PLA2R1: variants seen among roughly 807,000 people sequenced by gnomAD.
The protein encoded by PLA2R1 is secretory phospholipase A2 receptor.
A neutral mutation model predicts 195.9 loss-of-function variants in PLA2R1; 158 were observed. The ratio of observed to expected loss-of-function variants is 0.81; its 90% CI spans 0.71 to 0.92. The LOEUF is 0.92. PLA2R1 is among the 40% of genes least tolerant of loss of function. The pLI is 0.00. For synonymous variants in PLA2R1, 586 were observed against 598.2 expected (o/e 0.98, Z 0.30); for missense variants, 1,626 against 1,764.6 (o/e 0.92, Z 1.41).
chr2:159,942,553 A>G (rs1387719782), intron 28 of PLA2R1, among the ~76,000 whole-genome samples: 1 of 152,182 alleles, frequency 6.6e-6, no homozygotes, highest in African/African-American at 2.4e-5. Context: ...CCCTGCATAC[A>G]AGGAACTCAC....
intron 10 of PLA2R1, among the ~76,000 whole-genome samples, chr2:160,011,594 C>A (rs1394302567): frequency 6.6e-6 from 1 of 152,044 alleles, no homozygotes; most frequent in Non-Finnish European, 1.5e-5. Context: ...AAGAATAAGA[C>A]ATAAAAAACA....
intron 11 of PLA2R1, among the ~76,000 whole-genome samples, chr2:160,002,953 G>A (rs1297311898): frequency 6.6e-6 from 1 of 151,950 alleles, no homozygotes; most frequent in Non-Finnish European, 1.5e-5. Context: ...TTATATTCTT[G>A]TATTACTGCT....
At chr2:159,946,475 C>A in intron 27 of PLA2R1, 3 of 1,016,576 alleles carry the variant, frequency 3.0e-6, no homozygotes, top group Middle Eastern at 4.8e-4. Flanking sequence ...ATTTAGAAAC[C>A]TGGGATATTT....
intron 6 of PLA2R1, among the ~76,000 whole-genome samples, chr2:160,023,381 C>A (rs113161659): frequency 6.6e-6 from 1 of 152,138 alleles, no homozygotes; most frequent in African/African-American, 2.4e-5. Flanking sequence ...TGGTCATCCT[C>A]GCTGCTCATT....
In PLA2R1 at chr2:160,033,047, G is replaced by A. The variant is rs773149154; in HGVS notation, c.753C>T (p.Leu251=). ...ATGAAGAATGTGCCTCACTCCAAGA[G>A]AGAGATGAAAGCAGGTTGAACTGGT... The part of the protein sequence containing the change: ...ICYQFNLLSS[L]SWSEAHSSCQ... The change falls in exon 4 of 30, where the codon CTC becomes CTT. Residue 251 remains leucine, a synonymous_variant. Coordinates refer to ENST00000283243, the MANE Select transcript of PLA2R1 (RefSeq NM_007366.5). 4 of 1,613,352 alleles carry A rather than the reference G, an allele frequency of 2.5e-6. 1 individual carries two copies. Among genetic ancestry groups the A allele is most frequent in the South Asian group, 2.2e-5 (2 of 91,020 alleles).
rs577078609 is a variant in PLA2R1, at chr2:160,062,364, CCAGCAGCAG to C, written c.31_39del (p.Leu11_Leu13del). On this transcript the variant is annotated inframe_deletion, in exon 1 of 30. Transcript: ENST00000283243. ...CCCTCGGCGCAGCCCCGCGGCGCCCCCAGCAGCAGCAGCAGCAGCAGCGACGGCGACAGC... is the reference window on the plus strand; with the variant it reads ...CCCTCGGCGCAGCCCCGCGGCGCCCCCAGCAGCAGCAGCGACGGCGACAGC... 1.4e-5 allele frequency: 22 copies of C among 1,535,610 alleles called. No homozygotes were observed. The highest frequency in any genetic ancestry group is 2.6e-5 in the East Asian group (1 of 39,070).
intron 11 of PLA2R1, among the ~76,000 whole-genome samples, chr2:160,002,313 T>C (rs1194258538): frequency 3.9e-5 from 6 of 151,972 alleles, no homozygotes; most frequent in Non-Finnish European, 8.8e-5. Context: ...TGGAAGGAAG[T>C]AGGAAGCCTC....
chr2:160,028,829 C>CA, intron 5 of PLA2R1, 21 bp downstream of exon 5: 3 of 1,457,772 alleles, frequency 2.1e-6, no homozygotes, highest in Non-Finnish European at 2.9e-6. Flanking sequence ...GTGACGAAGG[C>CA]AAAGAAAACA....
intron 10 of PLA2R1, among the ~76,000 whole-genome samples, chr2:160,009,973 G>A (rs981058049): frequency 6.6e-6 from 1 of 151,814 alleles, no homozygotes; most frequent in African/African-American, 2.4e-5. Flanking sequence ...AGCCAGGCAT[G>A]GTGGTACATG....
intron 1 of PLA2R1, among the ~76,000 whole-genome samples, chr2:160,053,329 C>A (rs1314834825): frequency 7.9e-6 from 1 of 127,238 alleles, no homozygotes; most frequent in African/African-American, 3.0e-5. Context: ...AGTAAAGTCT[C>A]ATTTTTATAC....
At chr2:160,006,713 G>A (rs990543016) in intron 10 of PLA2R1, among the ~76,000 whole-genome samples, 3 of 152,178 alleles carry the variant, frequency 2.0e-5, no homozygotes, top group Non-Finnish European at 4.4e-5. Context: ...AAACAGTGGC[G>A]ACTTCTGGGC....
At chr2:160,058,269 C>T (rs560674152) in intron 1 of PLA2R1, among the ~76,000 whole-genome samples, 58 of 152,238 alleles carry the variant, frequency 3.8e-4, no homozygotes, top group African/African-American at 1.3e-3. Flanking sequence ...CGCAGCATGT[C>T]GAGAGACACC....
chr2:159,973,216 G>A (rs1311281791), intron 17 of PLA2R1, among the ~76,000 whole-genome samples: 1 of 151,976 alleles, frequency 6.6e-6, no homozygotes, highest in African/African-American at 2.4e-5. Context: ...CTTAGGTGTG[G>A]GGTTTCTTTC....
At chr2:159,953,421 A>G (rs1687888563) in intron 23 of PLA2R1, among the ~76,000 whole-genome samples, 1 of 152,398 alleles carries the variant, frequency 6.6e-6, no homozygotes, top group East Asian at 1.9e-4. Context: ...ATTGTTGGCT[A>G]CAATAACTAG....
At chr2:159,955,596 T>G in intron 22 of PLA2R1, 102 bp downstream of exon 22, 1 of 474,872 alleles carries the variant, frequency 2.1e-6, no homozygotes, top group Non-Finnish European at 3.4e-6. Flanking sequence ...TAATATAAAT[T>G]TATACCTACA....
At chr2:160,037,837 C>G (rs1368875250) in intron 3 of PLA2R1, among the ~76,000 whole-genome samples, 1 of 152,160 alleles carries the variant, frequency 6.6e-6, no homozygotes, top group Non-Finnish European at 1.5e-5. Flanking sequence ...CGGTTTCTCA[C>G]TTGTAATACT....
intron 3 of PLA2R1, among the ~76,000 whole-genome samples, chr2:160,034,948 T>C (rs140380288): frequency 5.0e-4 from 76 of 152,256 alleles, no homozygotes; most frequent in African/African-American, 1.8e-3. Context: ...CCTGACCTCG[T>C]GATGGGTTTT....
chr2:160,029,631 T>G (rs557831305), intron 4 of PLA2R1, among the ~76,000 whole-genome samples: 57 of 152,310 alleles, frequency 3.7e-4, no homozygotes, highest in Non-Finnish European at 6.3e-4. Context: ...AATAAAAACA[T>G]GCATTGACAT....
chr2:160,037,646 T>C (rs1694244081), intron 3 of PLA2R1, among the ~76,000 whole-genome samples: 1 of 152,204 alleles, frequency 6.6e-6, no homozygotes, highest in African/African-American at 2.4e-5. Flanking sequence ...ACCCTCTTTA[T>C]TGCCTGCATC....
Sources: gnomAD v4.1 joint callset for allele counts (sites outside exome capture counted in the v4.1 genomes callset) on GRCh38, gnomAD v4.1.1 for gene constraint, MANE v1.5 for transcripts, NCBI Gene and HGNC (gene_info 2026-07-23, HGNC 2026-07-21) for gene names.